COG5: variants seen among roughly 807,000 people sequenced by gnomAD.
The protein encoded by COG5 is conserved oligomeric Golgi complex subunit 5.
In COG5, 86 loss-of-function variants were observed where a neutral mutation model predicts 110.4. The observed-to-expected ratio is 0.78, with a 90% CI of 0.65 to 0.93. The LOEUF is 0.93. COG5 is among the 40% of genes least tolerant of loss of function. COG5 has a pLI of 0.00. For synonymous variants in COG5, 360 were observed against 334.6 expected (o/e 1.08, Z -0.83); for missense variants, 1,077 against 987.0 (o/e 1.09, Z -1.22).
intron 6 of COG5, among the ~76,000 whole-genome samples, chr7:107,437,119 G>A (rs1160272743): frequency 6.6e-6 from 1 of 152,108 alleles, no homozygotes; most frequent in Non-Finnish European, 1.5e-5. Flanking sequence ...ATTAAATTGG[G>A]ATCTCCTCTC....
At chr7:107,555,562 A>G (rs1010353236) in intron 2 of COG5, among the ~76,000 whole-genome samples, 4 of 152,222 alleles carry the variant, frequency 2.6e-5, no homozygotes, top group Non-Finnish European at 5.9e-5. Flanking sequence ...ACGGTCATCA[A>G]TATGTCCATC....
At chr7:107,532,482 C>T (rs1034500926) in intron 5 of COG5, among the ~76,000 whole-genome samples, 1 of 152,140 alleles carries the variant, frequency 6.6e-6, no homozygotes, top group African/African-American at 2.4e-5. Flanking sequence ...ATTTATGCCA[C>T]AATACACATA....
intron 7 of COG5, among the ~76,000 whole-genome samples, chr7:107,401,159 C>T (rs1791394991): frequency 6.6e-6 from 1 of 152,010 alleles, no homozygotes; most frequent in Admixed American, 6.6e-5. Context: ...AGGCCACGGG[C>T]TGTAGTTTAC....
intron 19 of COG5, among the ~76,000 whole-genome samples, chr7:107,212,075 C>A (rs944616116): frequency 6.6e-6 from 1 of 152,082 alleles, no homozygotes; most frequent in African/African-American, 2.4e-5. Flanking sequence ...AAGGCCTGTA[C>A]AAAATAGAGA....
chr7:107,337,368 C>T (rs571528221), intron 10 of COG5, among the ~76,000 whole-genome samples: 21 of 152,104 alleles, frequency 1.4e-4, no homozygotes, highest in African/African-American at 4.8e-4. Flanking sequence ...TTTGCAAAAG[C>T]GAAGATATGA....
chr7:107,530,647 C>A (rs1801141644), intron 5 of COG5, among the ~76,000 whole-genome samples: 1 of 148,750 alleles, frequency 6.7e-6, no homozygotes, highest in Non-Finnish European at 1.5e-5. Context: ...AGCACTCCAA[C>A]CCCCTTTTTA....
chr7:107,205,957 T>G (rs948271728), intron 21 of COG5, among the ~76,000 whole-genome samples: 1 of 151,470 alleles, frequency 6.6e-6, no homozygotes, highest in African/African-American at 2.4e-5. Flanking sequence ...TGTAGCTGTT[T>G]TTTTTTTTTT....
At chr7:107,403,944 G>A (rs900222996) in intron 7 of COG5, among the ~76,000 whole-genome samples, 1 of 151,850 alleles carries the variant, frequency 6.6e-6, no homozygotes, top group African/African-American at 2.4e-5. Context: ...ATTTTAGTAA[G>A]GGCAGAATTC....
rs547512128 is a variant in COG5, at chr7:107,221,015, C to T, written c.2168+9600G>A. Among the ~76,000 whole-genome samples, 4 of 151,990 alleles carry T rather than the reference C, an allele frequency of 2.6e-5. No homozygotes were observed. In the South Asian group the frequency reaches 8.3e-4, roughly 32 times the overall value. Reference sequence around the variant, plus strand: ...ATTTTTAGTAGAGATGGGGGTTTCACGATGTTGGTCAGGCTGGTCTCAAAT... The same window carrying T: ...ATTTTTAGTAGAGATGGGGGTTTCATGATGTTGGTCAGGCTGGTCTCAAAT... On this transcript the variant is annotated intron_variant, in intron 19 of 21. Coordinates refer to ENST00000297135, the MANE Select transcript of COG5 (RefSeq NM_006348.5).
At chr7:107,421,722 C>T (rs111375578) in intron 6 of COG5, among the ~76,000 whole-genome samples, 1 of 150,678 alleles carries the variant, frequency 6.6e-6, no homozygotes, top group Non-Finnish European at 1.5e-5. Flanking sequence ...GCTGAGATTG[C>T]GCCACTGCAC....
At chr7:107,299,832 T>TATATATATATATATCTGGAATTATCTGGA (rs1479632594) in intron 11 of COG5, among the ~76,000 whole-genome samples, 6 of 78,696 alleles carry the variant, frequency 7.6e-5, no homozygotes, top group Admixed American at 2.3e-4. Context: ...TTGGCATATA[T>TATATATATATATATCTGGAATTATCTGGA]ATATATATAT....
intron 19 of COG5, among the ~76,000 whole-genome samples, chr7:107,228,093 A>T (rs1205638429): frequency 1.3e-5 from 2 of 152,088 alleles, no homozygotes; most frequent in Non-Finnish European, 2.9e-5. Flanking sequence ...TGAGCTCAGA[A>T]ATTCAAGACC....
At chr7:107,203,769 C>G in intron 21 of COG5, 139 bp from the exon 22 acceptor site, 1 of 666,138 alleles carries the variant, frequency 1.5e-6, no homozygotes, top group Non-Finnish European at 2.7e-6. Flanking sequence ...AAGTGACCAA[C>G]AGCCTTCACT....
intron 6 of COG5, among the ~76,000 whole-genome samples, chr7:107,508,987 C>T (rs912497011): frequency 2.0e-5 from 3 of 152,114 alleles, no homozygotes; most frequent in Non-Finnish European, 1.5e-5. Context: ...AAAATCAGAG[C>T]GCCTCTCCTC....
chr7:107,472,557 T>A (rs1013122617), intron 6 of COG5: 5 of 151,962 alleles, frequency 3.3e-5, no homozygotes, highest in Non-Finnish European at 7.4e-5. Context: ...AGACCTGATG[T>A]TTAATCTGTC....
At chr7:107,252,812 T>C (rs193242818) in intron 16 of COG5, among the ~76,000 whole-genome samples, 1 of 152,140 alleles carries the variant, frequency 6.6e-6, no homozygotes, top group Non-Finnish European at 1.5e-5. Context: ...TAGAGCCATA[T>C]GATTATTTCA....
At chr7:107,519,937 T>C (rs893884770) in intron 6 of COG5, among the ~76,000 whole-genome samples, 2 of 152,148 alleles carry the variant, frequency 1.3e-5, no homozygotes, top group African/African-American at 4.8e-5. Context: ...AGTAAAAAAC[T>C]TATCCACCAC....
intron 10 of COG5, among the ~76,000 whole-genome samples, chr7:107,358,016 A>G (rs1812778893): frequency 6.6e-6 from 1 of 152,164 alleles, no homozygotes; most frequent in African/African-American, 2.4e-5. Flanking sequence ...GTGTTCATTC[A>G]CCTTAATAAT....
chr7:107,371,394 A>T (rs1338559823), intron 8 of COG5, among the ~76,000 whole-genome samples: 1 of 152,176 alleles, frequency 6.6e-6, no homozygotes, highest in Non-Finnish European at 1.5e-5. Context: ...GTTCAAGACC[A>T]ACTGGGGCAA....
Sources: allele counts gnomAD v4.1 joint callset (sites outside exome capture counted in the v4.1 genomes callset), GRCh38; gene constraint gnomAD v4.1.1; transcripts MANE v1.5; gene names NCBI Gene and HGNC (gene_info 2026-07-23, HGNC 2026-07-21).